The following CCSER1 variants were observed in gnomAD, a reference collection of about 807,000 sequenced individuals.
The protein encoded by CCSER1 is serine-rich coiled-coil domain-containing protein 1.
In CCSER1, 41 loss-of-function variants were observed where a neutral mutation model predicts 82.0. The observed-to-expected ratio is 0.50, with a 90% CI of 0.39 to 0.65. CCSER1 has a LOEUF of 0.65. Among genes scored for constraint, CCSER1 ranks in the 30% least tolerant of loss-of-function variants. CCSER1 has a pLI of 0.00. For missense variants in CCSER1, 1,119 were observed against 1,064.2 expected (o/e 1.05, Z -0.72); for synonymous variants, 414 against 383.9 (o/e 1.08, Z -0.92).
At chr4:90,752,000 C>T (rs948284371) in intron 7 of CCSER1, among the ~76,000 whole-genome samples, 2 of 151,996 alleles carry the variant, frequency 1.3e-5, no homozygotes, top group African/African-American at 4.8e-5. Flanking sequence ...AGAATGTTGT[C>T]CCTGCTAAGC....
In CCSER1 at chr4:90,729,875, C is replaced by G. The variant is rs1478405107; in HGVS notation, c.2010+5884C>G. 4.0e-5 allele frequency among the ~76,000 whole-genome samples: 6 copies of G among 151,800 alleles called. No individual in the cohort carries two copies. The East Asian group carries it at 1.2e-3, about 29-fold the overall frequency. ...TGGGCTACAGACCGAGACTCCATCT[C>G]AAAAAATAAATAAAAATAAAATAAA... On this transcript the variant is annotated intron_variant, in intron 7 of 10. Coordinates refer to ENST00000509176, the MANE Select transcript of CCSER1 (RefSeq NM_001145065.2).
chr4:90,933,028 GAAA>G, intron 9 of CCSER1, among the ~76,000 whole-genome samples: 1 of 87,070 alleles, frequency 1.1e-5, no homozygotes, highest in Non-Finnish European at 2.2e-5. Flanking sequence ...AAGAAAGAAA[GAAA>G]GAAAGAAAGA....
chr4:90,891,892 G>T (rs1418163770), intron 8 of CCSER1, among the ~76,000 whole-genome samples: 1 of 152,008 alleles, frequency 6.6e-6, no homozygotes, highest in South Asian at 2.1e-4. Flanking sequence ...GTTCCTTAAA[G>T]AACTTAAATG....
intron 5 of CCSER1, among the ~76,000 whole-genome samples, chr4:90,535,093 T>C (rs1775143948): frequency 6.6e-6 from 1 of 151,184 alleles, no homozygotes; most frequent in Non-Finnish European, 1.5e-5. Context: ...TACCAAATTC[T>C]TTTTTTTTAC....
At chr4:90,252,207 C>G (rs1283032489) in intron 1 of CCSER1, among the ~76,000 whole-genome samples, 1 of 151,798 alleles carries the variant, frequency 6.6e-6, no homozygotes, top group African/African-American at 2.4e-5. Context: ...TCCAAAAGTG[C>G]TCCGATGAGC....
At chr4:90,817,087 T>A (rs1196056661) in intron 8 of CCSER1, among the ~76,000 whole-genome samples, 1 of 152,156 alleles carries the variant, frequency 6.6e-6, no homozygotes, top group Non-Finnish European at 1.5e-5. Flanking sequence ...TATTGTAGTG[T>A]CAATTTTATA....
chr4:90,948,098 G>T (rs1388350032), intron 9 of CCSER1, among the ~76,000 whole-genome samples: 1 of 151,754 alleles, frequency 6.6e-6, no homozygotes, highest in East Asian at 1.9e-4. Context: ...CCTTTTTTCA[G>T]TGTTGAGTGT....
intron 8 of CCSER1, among the ~76,000 whole-genome samples, chr4:90,865,522 G>T (rs114903646): frequency 6.6e-6 from 1 of 151,626 alleles, no homozygotes; most frequent in Non-Finnish European, 1.5e-5. Context: ...ATTCTTGTTG[G>T]TTTCCTATTG....
chr4:90,916,191 G>T (rs1351907159), intron 8 of CCSER1, among the ~76,000 whole-genome samples: 3 of 152,018 alleles, frequency 2.0e-5, no homozygotes, highest in African/African-American at 4.8e-5. Flanking sequence ...AACCAAAAAA[G>T]AGCCCGCATT....
intron 1 of CCSER1, among the ~76,000 whole-genome samples, chr4:90,208,080 T>A (rs1416552349): frequency 6.6e-6 from 1 of 152,348 alleles, no homozygotes; most frequent in East Asian, 1.9e-4. Flanking sequence ...CGTTTAAGTC[T>A]GCTGAAGCTG....
At chr4:90,353,636 T>A (rs1486791720) in intron 3 of CCSER1, among the ~76,000 whole-genome samples, 1 of 152,178 alleles carries the variant, frequency 6.6e-6, no homozygotes, top group Non-Finnish European at 1.5e-5. Flanking sequence ...CAGGCCTTAA[T>A]TTTCCTGACT....
chr4:90,925,642 A>G lies in CCSER1; in HGVS notation c.2172+2195A>G, dbSNP rs117332559. 1.5e-4 allele frequency among the ~76,000 whole-genome samples: 23 copies of G among 152,192 alleles called. No individual in the cohort carries two copies. In the East Asian group the frequency reaches 3.7e-3, roughly 24 times the overall value. On this transcript the variant is annotated intron_variant, in intron 9 of 10. Coordinates refer to ENST00000509176, the MANE Select transcript of CCSER1 (RefSeq NM_001145065.2). ...GCCTATCCATGCCTCATAATTTTCT[A>G]ATTTCTATGATATTTCTTATATCAA...
At chr4:91,124,239 G>T (rs986985180) in intron 10 of CCSER1, among the ~76,000 whole-genome samples, 1 of 151,416 alleles carries the variant, frequency 6.6e-6, no homozygotes, top group Non-Finnish European at 1.5e-5. Flanking sequence ...TTCAAATATT[G>T]TCATTAGTTC....
chr4:91,448,344 G>A (rs1755685136), intron 10 of CCSER1, among the ~76,000 whole-genome samples: 1 of 151,986 alleles, frequency 6.6e-6, no homozygotes, highest in Non-Finnish European at 1.5e-5. Context: ...AAGCTTGATT[G>A]TGTAACTCAG....
chr4:90,492,702 G>T (rs1008011636), intron 5 of CCSER1, among the ~76,000 whole-genome samples: 7 of 152,278 alleles, frequency 4.6e-5, no homozygotes, highest in Non-Finnish European at 7.4e-5. Context: ...GTGTCCCAGA[G>T]ATTCTGATAT....
intron 3 of CCSER1, among the ~76,000 whole-genome samples, chr4:90,396,766 G>T (rs1342470260): frequency 6.6e-6 from 1 of 151,982 alleles, no homozygotes; most frequent in East Asian, 1.9e-4. Flanking sequence ...GCAACAAAAT[G>T]ATTGTCCCAG....
chr4:90,707,529 TAA>T (rs75961345), intron 6 of CCSER1, among the ~76,000 whole-genome samples: 7,820 of 144,750 alleles, frequency 0.054, 294 homozygotes, highest in Admixed American at 0.11. Flanking sequence ...ATTTCTACCT[TAA>T]AAAAAAAATA....
At position 91,360,714 on chromosome 4, in the gene CCSER1, CAGAGAG is replaced by C. The variant is rs1221167965; in HGVS notation, c.2218-237850_2218-237845del. Among the ~76,000 whole-genome samples, 2 of 151,534 alleles carry C rather than the reference CAGAGAG, an allele frequency of 1.3e-5. 1 individual carries two copies. The highest frequency in any genetic ancestry group is 3.0e-5 in the Non-Finnish European group (2 of 67,754). The stretch of plus-strand genomic sequence containing the variant: ...TATGGCACAAGCCTAGGTGAAAAAA[CAGAGAG>C]AGAGAGAAAGAGAGAGAAAGGATGC... On this transcript the variant is annotated intron_variant, in intron 10 of 10. Coordinates refer to ENST00000509176, the MANE Select transcript of CCSER1 (RefSeq NM_001145065.2).
rs150286200 is a variant in CCSER1 at position 90,221,764 on chromosome 4, G to T, written c.-41-86480G>T. Among the ~76,000 whole-genome samples, 93 of 152,218 alleles carry T rather than the reference G, an allele frequency of 6.1e-4. No individual in the cohort carries two copies. The East Asian group carries it at 0.011, about 18-fold the overall frequency. On this transcript the variant is annotated intron_variant, in intron 1 of 10. Coordinates refer to ENST00000509176, the MANE Select transcript of CCSER1 (RefSeq NM_001145065.2). ...GCTTTGACAGCGGAAGTAGGAATGA[G>T]TTTAGATGCCTTGACTATTTGAACT... is the stretch of plus-strand genomic sequence containing the variant.
Sources: gnomAD v4.1 joint callset for allele counts (sites outside exome capture counted in the v4.1 genomes callset) on GRCh38, gnomAD v4.1.1 for gene constraint, MANE v1.5 for transcripts, NCBI Gene and HGNC (gene_info 2026-07-23, HGNC 2026-07-21) for gene names.